SCN11A: variants seen among roughly 807,000 people sequenced by gnomAD.
The protein encoded by SCN11A is sodium voltage-gated channel alpha subunit 11.
SCN11A carries 122 observed loss-of-function variants against 162.2 expected under a neutral mutation model. That is an observed-to-expected ratio of 0.75 (90% CI 0.65 to 0.87). The LOEUF (loss-of-function observed/expected upper bound fraction) is 0.87, where lower values mean the gene tolerates loss of function less well. Among genes scored for constraint, SCN11A ranks in the 40% least tolerant of loss-of-function variants. The pLI is 0.00. For synonymous variants in SCN11A, 758 were observed against 751.5 expected (o/e 1.01, Z -0.14); for missense variants, 2,015 against 2,181.6 (o/e 0.92, Z 1.52).
chr3:39,042,954 T>A (rs1454684315), intron 1 of SCN11A, among the ~76,000 whole-genome samples: 3 of 31,326 alleles, frequency 9.6e-5, no homozygotes, highest in South Asian at 7.3e-4. Flanking sequence ...CGAAACTCCA[T>A]CTCAAAAAAA....
intron 11 of SCN11A, among the ~76,000 whole-genome samples, chr3:38,915,631 T>G (rs1185696744): frequency 2.0e-5 from 3 of 152,164 alleles, no homozygotes; most frequent in African/African-American, 7.2e-5. Context: ...TTTTTAGTCT[T>G]TTCTTCTATT....
chr3:38,901,063 G>T (rs1157263737), intron 16 of SCN11A, among the ~76,000 whole-genome samples: 2 of 152,088 alleles, frequency 1.3e-5, no homozygotes, highest in African/African-American at 4.8e-5. Context: ...ATATTAAAAG[G>T]ATTAAAGTCT....
chr3:39,024,688 G>GT (rs1044746938), intron 2 of SCN11A, among the ~76,000 whole-genome samples: 3 of 152,224 alleles, frequency 2.0e-5, no homozygotes, highest in Non-Finnish European at 4.4e-5. Flanking sequence ...TTGTTTGACT[G>GT]TAAGTCATAA....
At position 38,856,719 on chromosome 3, in the gene SCN11A, A is replaced by C. The variant is rs142418219; in HGVS notation, c.4057-5968T>G. 1.6e-3 allele frequency among the ~76,000 whole-genome samples: 244 copies of C among 148,826 alleles called. 4 individuals are homozygous for C. The highest frequency in any genetic ancestry group is 4.5e-4 in the Non-Finnish European group (30 of 67,248). On this transcript the variant is annotated intron_variant, in intron 28 of 29. Coordinates refer to ENST00000302328, the MANE Select transcript of SCN11A (RefSeq NM_001349253.2). ...GTCAGTAAATAAAACACTGGGAAAA[A>C]ATAAATAAATAAATAAATAAAAATG...
At chr3:39,012,432 TTCTTTCTC>T (rs2031168649) in intron 2 of SCN11A, among the ~76,000 whole-genome samples, 1 of 151,316 alleles carries the variant, frequency 6.6e-6, no homozygotes, top group African/African-American at 2.5e-5. Context: ...CTTTCTTTCT[TTCTTTCTC>T]TCTCTCTTTC....
At chr3:38,977,895 C>T (rs1345733524) in intron 2 of SCN11A, among the ~76,000 whole-genome samples, 1 of 152,232 alleles carries the variant, frequency 6.6e-6, no homozygotes, top group Non-Finnish European at 1.5e-5. Context: ...TCTGCATCAT[C>T]TCTCACCAGG....
chr3:39,050,695 T>A (rs1478608161), intron 1 of SCN11A, among the ~76,000 whole-genome samples: 1 of 152,230 alleles, frequency 6.6e-6, no homozygotes, highest in Non-Finnish European at 1.5e-5. Context: ...AATATTCTAA[T>A]ATCCATGACA....
At chr3:39,025,368 G>A (rs2031562414) in intron 2 of SCN11A, among the ~76,000 whole-genome samples, 1 of 152,166 alleles carries the variant, frequency 6.6e-6, no homozygotes, top group South Asian at 2.1e-4. Flanking sequence ...AGTTTATTAA[G>A]AAAGTAAAGG....
At chr3:39,028,742 G>C (rs1212499215) in intron 2 of SCN11A, among the ~76,000 whole-genome samples, 1 of 152,146 alleles carries the variant, frequency 6.6e-6, no homozygotes, top group Non-Finnish European at 1.5e-5. Context: ...CAAAACATGA[G>C]GGGTGGCCTT....
intron 1 of SCN11A, among the ~76,000 whole-genome samples, chr3:39,047,482 A>C (rs867184490): frequency 1.3e-5 from 2 of 152,184 alleles, no homozygotes; most frequent in African/African-American, 2.4e-5. Flanking sequence ...GATTTTATGG[A>C]TAAGCCCTCA....
chr3:39,036,849 A>G (rs2125614309), intron 1 of SCN11A, among the ~76,000 whole-genome samples: 1 of 152,352 alleles, frequency 6.6e-6, no homozygotes, highest in East Asian at 1.9e-4. Flanking sequence ...AGTGGAGAAA[A>G]GGGAACCCTC....
intron 2 of SCN11A, among the ~76,000 whole-genome samples, chr3:38,992,835 C>G (rs2030494155): frequency 6.6e-6 from 1 of 152,208 alleles, no homozygotes; most frequent in African/African-American, 2.4e-5. Flanking sequence ...ACATCAAGGG[C>G]AGGTAGAGTT....
chr3:39,038,180 T>C (rs955308994), intron 1 of SCN11A, among the ~76,000 whole-genome samples: 2 of 152,222 alleles, frequency 1.3e-5, no homozygotes, highest in Non-Finnish European at 2.9e-5. Context: ...AAAACAATAA[T>C]AAACATTTAT....
At chr3:38,866,440 G>A (rs969121740) in intron 27 of SCN11A, among the ~76,000 whole-genome samples, 3 of 152,088 alleles carry the variant, frequency 2.0e-5, no homozygotes, top group Admixed American at 6.6e-5. Context: ...GGCTGGTCTC[G>A]AACTCCTGAC....
At chr3:38,879,245 T>C (rs2065269658) in intron 23 of SCN11A, among the ~76,000 whole-genome samples, 1 of 152,316 alleles carries the variant, frequency 6.6e-6, no homozygotes, top group Middle Eastern at 3.4e-3. Flanking sequence ...AGAGTGGCTA[T>C]GACAACTAAA....
intron 9 of SCN11A, among the ~76,000 whole-genome samples, chr3:38,921,515 G>A (rs562694899): frequency 6.6e-6 from 1 of 152,268 alleles, no homozygotes; most frequent in African/African-American, 2.4e-5. Context: ...CTGCTATGAG[G>A]AGCAAGCAAA....
intron 20 of SCN11A, 53 bp from the exon 21 acceptor site, chr3:38,885,455 C>A: frequency 2.1e-6 from 2 of 955,318 alleles, no homozygotes; most frequent in Admixed American, 1.8e-5. Flanking sequence ...CCTTCTTTCA[C>A]CATAGTAGTA....
At chr3:38,908,411 T>G (rs1004149295) in intron 13 of SCN11A, among the ~76,000 whole-genome samples, 2 of 152,194 alleles carry the variant, frequency 1.3e-5, no homozygotes, top group Admixed American at 6.5e-5. Context: ...TAAATACTTA[T>G]GCCTGATAGT....
In SCN11A at chr3:38,950,345, G is replaced by A; in HGVS notation, c.18C>T (p.Tyr6=). The A allele has an allele frequency of 6.2e-7, 1 of 1,613,728 alleles. No homozygotes were observed. Among genetic ancestry groups the A allele is most frequent in the Non-Finnish European group, 8.5e-7 (1 of 1,180,004 alleles). The change falls in exon 5 of 30, where the codon TAC becomes TAT. Residue 6 remains tyrosine (Y), a synonymous_variant. Transcript: ENST00000302328. ...TCCGCTCATCTGGAAAGATTACTGG[G>A]TAGCATCTGTCATCCATCTTCACCC... MDDRC[Y]PVIFPDERNF...
Sources: allele counts gnomAD v4.1 joint callset (sites outside exome capture counted in the v4.1 genomes callset), GRCh38; gene constraint gnomAD v4.1.1; transcripts MANE v1.5; gene names NCBI Gene and HGNC (gene_info 2026-07-23, HGNC 2026-07-21).